Variants in ZNF496 observed in about 807,000 individuals in gnomAD.
ZNF496 encodes NSD1 (nuclear receptor binding SET-domain containing 1)-interacting zinc finger protein 1.
A neutral mutation model predicts 58.9 loss-of-function variants in ZNF496; 11 were observed. That is an observed-to-expected ratio of 0.19 (90% CI 0.12 to 0.31). ZNF496 has a LOEUF of 0.31. ZNF496 is among the 10% of genes least tolerant of loss of function. The probability of loss-of-function intolerance (pLI) is 1.00; values close to 1 mark genes in which losing one functional copy is unlikely to be tolerated. For synonymous variants in ZNF496, 338 were observed against 318.2 expected (o/e 1.06, Z -0.66); for missense variants, 660 against 783.0 (o/e 0.84, Z 1.88).
intron 7 of ZNF496, chr1:247,310,094 T>C (rs1572077534): frequency 7.0e-7 from 1 of 1,430,770 alleles, no homozygotes; most frequent in East Asian, 2.5e-5. Context: ...ATGTTCTATT[T>C]GGTTCTGATA....
Position 247,300,848 on chromosome 1 carries a change from G to C in ZNF496, c.1435C>G (p.Leu479Val), listed in dbSNP as rs148799792. The C allele has an allele frequency of 3.1e-6, 5 of 1,610,622 alleles. No individual in the cohort carries two copies. The East Asian group carries it at 1.1e-4, about 36-fold the overall frequency. Reference protein sequence around the residue: ...GKSFRLNSHLLSHRRIHLQPD... With the variant: ...GKSFRLNSHLVSHRRIHLQPD... Reference sequence around the variant, plus strand: ...TGCAGGTGTATCCGCCGGTGGGAGAGCAGGTGGGAGTTCAGGCGGAAGCTC... The same window carrying C: ...TGCAGGTGTATCCGCCGGTGGGAGACCAGGTGGGAGTTCAGGCGGAAGCTC... The change falls in exon 10 of 10, where the codon CTC becomes GTC. Residue 479 changes from leucine to valine, a missense_variant. Transcript: ENST00000682384. The surrounding 1 kb of genome is among the most constrained non-coding windows in gnomAD (Gnocchi z 5.7).
At chr1:247,302,417 T>A (rs892682779) in intron 9 of ZNF496, among the ~76,000 whole-genome samples, 4 of 152,138 alleles carry the variant, frequency 2.6e-5, no homozygotes, top group African/African-American at 9.7e-5. Context: ...GTACTGAGTC[T>A]GCCAAGAACC....
At chr1:247,316,135 G>GGTGT (rs148003455) in intron 6 of ZNF496, among the ~76,000 whole-genome samples, 5,705 of 139,802 alleles carry the variant, frequency 0.041, 138 homozygotes, top group South Asian at 0.055. Flanking sequence ...CTGGGAGAGG[G>GGTGT]GTGTGTGTGT....
At chr1:247,316,988 A>G (rs1659801851) in intron 6 of ZNF496, among the ~76,000 whole-genome samples, 1 of 152,240 alleles carries the variant, frequency 6.6e-6, no homozygotes, top group Admixed American at 6.5e-5. Flanking sequence ...ATCTTCTCAC[A>G]TGACTGGGGA....
intron 5 of ZNF496, among the ~76,000 whole-genome samples, chr1:247,327,410 C>T (rs1247452333): frequency 6.6e-6 from 1 of 152,188 alleles, no homozygotes; most frequent in Non-Finnish European, 1.5e-5. Flanking sequence ...TTAGTGTTAA[C>T]ATTAGGCATG....
chr1:247,308,398 A>C lies in ZNF496; in HGVS notation c.1006+77T>G, dbSNP rs1659485365. On this transcript the variant is annotated intron_variant, in intron 9 of 9. Transcript: ENST00000682384. This position sits in a 1 kb window ranked among gnomAD's most constrained non-coding sequence, Gnocchi z 4.5. ...ATTCAACACAACCATCCCCTATGCC[A>C]CACATGCATACATACATTCATGCGA... is the stretch of plus-strand genomic sequence containing the variant. 8 of 1,298,004 alleles carry C rather than the reference A, an allele frequency of 6.2e-6. No individual in the cohort carries two copies. Among genetic ancestry groups the C allele is most frequent in the Non-Finnish European group, 6.7e-6 (6 of 897,210 alleles). The allele number at this position is 1,298,004 out of a possible 1,614,324, so 80.4% of individuals were successfully genotyped here.
intron 6 of ZNF496, 77 bp downstream of exon 6, chr1:247,323,077 G>A (rs1488513000): frequency 8.2e-7 from 1 of 1,221,926 alleles, no homozygotes; most frequent in African/African-American, 1.5e-5. Flanking sequence ...AAAGCTGGCT[G>A]GGGTCCTAAG....
Position 247,301,176 on chromosome 1 carries a change from C to T in ZNF496, c.1107G>A (p.Pro369=), listed in dbSNP as rs756200815. ...SSGDEDSQHG[P]YCTEELGSPT... is the part of the protein sequence containing the mutation. The stretch of plus-strand genomic sequence containing the variant: ...GGCTCCCCAGCTCTTCTGTGCAGTA[C>T]GGGCCATGCTGGGAGTCCTCGTCCC... The change falls in exon 10 of 10, where the codon CCG becomes CCA. Residue 369 remains proline (P), a synonymous_variant. Coordinates refer to ENST00000682384, the MANE Select transcript of ZNF496 (RefSeq NM_032752.3). 4.4e-6 allele frequency: 7 copies of T among 1,599,758 alleles called. No individual in the cohort carries two copies. Among genetic ancestry groups the T allele is most frequent in the South Asian group, 2.2e-5 (2 of 90,424 alleles).
At chr1:247,331,213 G>T (rs772333938) in intron 2 of ZNF496, among the ~76,000 whole-genome samples, 23 of 152,264 alleles carry the variant, frequency 1.5e-4, no homozygotes, top group Non-Finnish European at 3.2e-4. Context: ...TCGGAGGCTC[G>T]GAGGAGATGC....
At chr1:247,302,285 G>C (rs909730058) in intron 9 of ZNF496, among the ~76,000 whole-genome samples, 1 of 152,088 alleles carries the variant, frequency 6.6e-6, no homozygotes, top group Non-Finnish European at 1.5e-5. Flanking sequence ...TGGACAAACA[G>C]AAGCAGGGCA....
intron 5 of ZNF496, among the ~76,000 whole-genome samples, chr1:247,323,734 A>T (rs1660030187): frequency 6.6e-6 from 1 of 151,796 alleles, no homozygotes; most frequent in African/African-American, 2.4e-5. Flanking sequence ...ACCAGCAGGG[A>T]CAACACAGAG....
rs945799542 is a variant in ZNF496, at chr1:247,298,354, C to T, written c.*2165G>A. On this transcript the variant is annotated 3_prime_UTR_variant, in exon 10 of 10. Transcript: ENST00000682384. ...TTTAATTATTTTTGAGACAGAGTCTCATTCTGTCACCTAGCTTGTGCAGTG... is the reference window on the plus strand; with the variant it reads ...TTTAATTATTTTTGAGACAGAGTCTTATTCTGTCACCTAGCTTGTGCAGTG... 8.5e-5 allele frequency: 13 copies of T among 152,322 alleles called. No homozygotes were observed. Among genetic ancestry groups the T allele is most frequent in the Admixed American group, 7.8e-4 (12 of 15,288 alleles). 9.4% of individuals were successfully genotyped at this position (152,322 alleles called of 1,614,324 possible).
intron 6 of ZNF496, among the ~76,000 whole-genome samples, chr1:247,316,240 C>T (rs968654897): frequency 3.6e-5 from 5 of 137,470 alleles, no homozygotes; most frequent in South Asian, 4.7e-4. Flanking sequence ...TGTGTGTGAG[C>T]GCGCGCAGTG....
chr1:247,319,125 G>A (rs1309188830), intron 6 of ZNF496, among the ~76,000 whole-genome samples: 2 of 152,132 alleles, frequency 1.3e-5, no homozygotes, highest in Non-Finnish European at 2.9e-5. Flanking sequence ...GGCACTATAG[G>A]AGCACACCAC....
intron 6 of ZNF496, chr1:247,322,772 C>T (rs1660001946): frequency 1.2e-5 from 16 of 1,294,644 alleles, no homozygotes; most frequent in Non-Finnish European, 1.6e-5. Flanking sequence ...AAAATATAAC[C>T]ATTGCTGCGA....
intron 5 of ZNF496, among the ~76,000 whole-genome samples, chr1:247,323,495 A>T (rs1660024614): frequency 6.6e-6 from 1 of 152,172 alleles, no homozygotes; most frequent in South Asian, 2.1e-4. Context: ...CAGATATAAC[A>T]AGGGGGGCTG....
chr1:247,323,660 T>C (rs1660028679), intron 5 of ZNF496, among the ~76,000 whole-genome samples: 2 of 152,056 alleles, frequency 1.3e-5, no homozygotes, highest in South Asian at 4.1e-4. Flanking sequence ...TACATGCCTG[T>C]AATCTCAGCT....
Position 247,309,405 on chromosome 1 carries a change from G to A in ZNF496, c.892+294C>T, listed in dbSNP as rs1314749727. The stretch of plus-strand genomic sequence containing the variant: ...ATCTGACTTCACTCCTGGAGGGGCT[G>A]CTGCATTGTCAGCACAAACCAGATG... On this transcript the variant is annotated intron_variant, in intron 8 of 9. Coordinates refer to ENST00000682384, the MANE Select transcript of ZNF496 (RefSeq NM_032752.3). The surrounding 1 kb of genome is among the most constrained non-coding windows in gnomAD (Gnocchi z 4.3). 8 of 1,231,156 alleles carry A rather than the reference G, an allele frequency of 6.5e-6. No homozygotes were observed. The highest frequency in any genetic ancestry group is 8.2e-6 in the Non-Finnish European group (8 of 981,086). 76.3% of individuals were successfully genotyped at this position (1,231,156 alleles called of 1,614,324 possible).
intron 9 of ZNF496, among the ~76,000 whole-genome samples, chr1:247,305,666 A>G (rs934908173): frequency 3.3e-5 from 5 of 152,232 alleles, no homozygotes; most frequent in Non-Finnish European, 7.3e-5. Context: ...CCAAAATGAT[A>G]AAGGCATTAT....
Sources: gnomAD v4.1 joint callset for allele counts (sites outside exome capture counted in the v4.1 genomes callset) on GRCh38, gnomAD v4.1.1 for gene constraint, Gnocchi (gnomAD v3.1) non-coding constraint, MANE v1.5 for transcripts, NCBI Gene and HGNC (gene_info 2026-07-23, HGNC 2026-07-21) for gene names.